PCDHGB3: variants seen among roughly 807,000 people sequenced by gnomAD.
PCDHGB3 encodes the protein protocadherin gamma subfamily B, 3, also known as protocadherin gamma-B3.
A neutral mutation model predicts 59.2 loss-of-function variants in PCDHGB3; 40 were observed. The observed-to-expected ratio is 0.68, with a 90% CI of 0.52 to 0.88. PCDHGB3 has a LOEUF of 0.88. Among genes scored for constraint, PCDHGB3 ranks in the 40% least tolerant of loss-of-function variants. The pLI, the probability that PCDHGB3 is intolerant of heterozygous loss-of-function variation, is 0.00. For synonymous variants in PCDHGB3, 581 were observed against 503.6 expected (o/e 1.15, Z -2.06); for missense variants, 1,309 against 1,187.9 (o/e 1.10, Z -1.50).
intron 1 of PCDHGB3, among the ~76,000 whole-genome samples, chr5:141,483,575 A>G (rs1165739266): frequency 6.6e-6 from 1 of 152,194 alleles, no homozygotes; most frequent in Non-Finnish European, 1.5e-5. Flanking sequence ...GAATTCTGGC[A>G]TAAACACCTA....
At chr5:141,497,214 G>C (rs929868102) in intron 2 of PCDHGB3, among the ~76,000 whole-genome samples, 2 of 152,138 alleles carry the variant, frequency 1.3e-5, no homozygotes, top group African/African-American at 4.8e-5. Flanking sequence ...TGTAATGGGG[G>C]GGGGAAGATC....
Position 141,486,682 on chromosome 5 carries a change from A to C in PCDHGB3, c.2416-8125A>C, listed in dbSNP as rs781547951. 1.4e-5 allele frequency: 22 copies of C among 1,614,064 alleles called. No individual in the cohort carries two copies. The African/African-American group carries it at 2.3e-4, about 17-fold the overall frequency. ...TGGAGCCCAGGAATCGAGATGTATC[A>C]GCTTCCTCTTTCATCTCTCTGAACC... On this transcript the variant is annotated intron_variant, in intron 1 of 3. Coordinates refer to ENST00000576222, the MANE Select transcript of PCDHGB3 (RefSeq NM_018924.5). The surrounding 1 kb of genome is among the most constrained non-coding windows in gnomAD (Gnocchi z 5.0).
chr5:141,389,843 G>A lies in PCDHGB3; in HGVS notation c.2415+17034G>A, dbSNP rs372102656. On this transcript the variant is annotated intron_variant, in intron 1 of 3. Transcript: ENST00000576222. ...GTGACGGTGGACAGCCACCACTCTC[G>A]GCCACTGCCACGTTGCACCTGGTCT... is the stretch of plus-strand genomic sequence containing the variant. The A allele has an allele frequency of 3.7e-6, 6 of 1,613,898 alleles. 1 individual carries two copies. The highest frequency in any genetic ancestry group is 2.7e-5 in the African/African-American group (2 of 74,948).
Position 141,490,162 on chromosome 5 carries a change from A to C in PCDHGB3, c.2416-4645A>C. ...TGGGGCAATCCATGTGTTGGGTCCC[A>C]TAGACTTTGAGGAGTCACGTTTCTA... On this transcript the variant is annotated intron_variant, in intron 1 of 3. Coordinates refer to ENST00000576222, the MANE Select transcript of PCDHGB3 (RefSeq NM_018924.5). The surrounding 1 kb of genome is among the most constrained non-coding windows in gnomAD (Gnocchi z 5.4). The C allele has an allele frequency of 6.2e-7, 1 of 1,614,218 alleles. No individual in the cohort carries two copies. The highest frequency in any genetic ancestry group is 8.5e-7 in the Non-Finnish European group (1 of 1,180,028).
At chr5:141,377,524 G>A (rs574411289) in intron 1 of PCDHGB3, 3 of 151,920 alleles carry the variant, frequency 2.0e-5, no homozygotes, top group Admixed American at 6.6e-5. Context: ...TAAGTCCAGG[G>A]GTATGAGGCT....
Position 141,372,313 on chromosome 5 carries a change from A to G in PCDHGB3, c.1919A>G (p.Gln640Arg), listed in dbSNP as rs774275406. The G allele has an allele frequency of 3.1e-6, 5 of 1,613,456 alleles. No homozygotes were observed. The highest frequency in any genetic ancestry group is 1.6e-4 in the Middle Eastern group (1 of 6,084). Residue 640 changes from glutamine (Q) to arginine (R), a missense_variant, in exon 1 of 4, where the codon CAG (glutamine) becomes CGG (arginine). Gln to Arg is a conservative substitution (Grantham distance 43). Coordinates refer to ENST00000576222, the MANE Select transcript of PCDHGB3 (RefSeq NM_018924.5). ...RTLGDREAAR[Q>R]RLLVTVRDGG... is the part of the protein sequence containing the mutation. ...TTGGGCGACAGGGAGGCCGCCCGCC[A>G]GCGCCTGCTGGTCACTGTGCGTGAT...
At chr5:141,393,227 A>G (rs1389818557) in intron 1 of PCDHGB3, 1 of 1,613,740 alleles carries the variant, frequency 6.2e-7, no homozygotes, top group Non-Finnish European at 8.5e-7. Context: ...TCGAAGATCT[A>G]GAAGTAAAAA....
chr5:141,451,521 TAAAGG>T (rs1187561043), intron 1 of PCDHGB3, among the ~76,000 whole-genome samples: 1 of 152,148 alleles, frequency 6.6e-6, no homozygotes, highest in Non-Finnish European at 1.5e-5. Context: ...TTAGAGCAAG[TAAAGG>T]AGAGTGCCAG....
intron 1 of PCDHGB3, chr5:141,384,443 A>T: frequency 6.2e-7 from 1 of 1,614,030 alleles, no homozygotes; most frequent in Non-Finnish European, 8.5e-7. Context: ...GGAGTCCTGT[A>T]CGCGCTGCAA....
In PCDHGB3 at chr5:141,432,469, C is replaced by A; in HGVS notation, c.2415+59660C>A. On this transcript the variant is annotated intron_variant, in intron 1 of 3. Coordinates refer to ENST00000576222, the MANE Select transcript of PCDHGB3 (RefSeq NM_018924.5). The surrounding 1 kb of genome is among the most constrained non-coding windows in gnomAD (Gnocchi z 6.0). ...TCCTGTACCCCGCCCTCCCCACGGA[C>A]GGTTCCACTGGCGTGGAGCTGGCTC... 6.2e-7 allele frequency: 1 copy of A among 1,614,218 alleles called. No individual in the cohort carries two copies.
chr5:141,403,482 A>C (rs764737675), intron 1 of PCDHGB3: 2 of 1,613,892 alleles, frequency 1.2e-6, no homozygotes, highest in Non-Finnish European at 1.7e-6. Flanking sequence ...CCCAATCACC[A>C]CTTCTCCCTG....
rs1255551589 is a variant in PCDHGB3 at position 141,410,375 on chromosome 5, G to A, written c.2415+37566G>A. ...ACGCTCTCTCAGCCCTGCTACTTGG[G>A]ACTGCTTCCATCCTGGTCTCTGTGT... On this transcript the variant is annotated intron_variant, in intron 1 of 3. Coordinates refer to ENST00000576222, the MANE Select transcript of PCDHGB3 (RefSeq NM_018924.5). The A allele has an allele frequency of 6.2e-7, 1 of 1,614,028 alleles. No individual in the cohort carries two copies. Among genetic ancestry groups the A allele is most frequent in the Admixed American group, 1.7e-5 (1 of 60,022 alleles).
chr5:141,399,491 T>A, intron 1 of PCDHGB3: 1 of 1,614,022 alleles, frequency 6.2e-7, no homozygotes, highest in African/African-American at 1.3e-5. Flanking sequence ...TCCTACTTAG[T>A]CAGTGTACCC....
At chr5:141,483,501 G>C (rs1022338958) in intron 1 of PCDHGB3, among the ~76,000 whole-genome samples, 2 of 150,394 alleles carry the variant, frequency 1.3e-5, no homozygotes, top group African/African-American at 4.9e-5. Context: ...ATGAGTCAAG[G>C]CTGATCCCCC....
chr5:141,466,375 C>A (rs2099121518), intron 1 of PCDHGB3, among the ~76,000 whole-genome samples: 1 of 152,042 alleles, frequency 6.6e-6, no homozygotes, highest in Non-Finnish European at 1.5e-5. Context: ...GGTTTTGGCA[C>A]CCATCTAATG....
chr5:141,415,690 G>C (rs1218128531), intron 1 of PCDHGB3: 4 of 1,512,972 alleles, frequency 2.6e-6, no homozygotes, highest in Non-Finnish European at 3.6e-6. Context: ...CATGATGGTG[G>C]AAAGTGTAAA....
Position 141,490,765 on chromosome 5 carries a change from G to A in PCDHGB3, c.2416-4042G>A. The A allele has an allele frequency of 6.2e-7, 1 of 1,614,076 alleles. No individual in the cohort carries two copies. The highest frequency in any genetic ancestry group is 8.5e-7 in the Non-Finnish European group (1 of 1,179,914). ...AGCCCCAGCCTCCTCCTTTGTGTAT[G>A]TCAACCCAGAGGATGGACGGATCTT... On this transcript the variant is annotated intron_variant, in intron 1 of 3. Coordinates refer to ENST00000576222, the MANE Select transcript of PCDHGB3 (RefSeq NM_018924.5). This position sits in a 1 kb window ranked among gnomAD's most constrained non-coding sequence, Gnocchi z 5.4.
At chr5:141,380,295 A>G (rs956041839) in intron 1 of PCDHGB3, among the ~76,000 whole-genome samples, 2 of 152,172 alleles carry the variant, frequency 1.3e-5, no homozygotes, top group African/African-American at 2.4e-5. Flanking sequence ...GAAGATACCT[A>G]TATCTTTGCT....
At position 141,372,125 on chromosome 5, in the gene PCDHGB3, G is replaced by A; in HGVS notation, c.1731G>A (p.Met577Ile). The A allele has an allele frequency of 1.2e-6, 2 of 1,613,718 alleles. No individual in the cohort carries two copies. The highest frequency in any genetic ancestry group is 2.2e-5 in the East Asian group (1 of 44,878). The part of the protein sequence containing the change: ...LGPEGSALFD[M>I]VPRSAEPGYL... Reference sequence around the variant, plus strand: ...CCGAAGGCTCTGCGCTCTTCGATATGGTGCCGCGCTCTGCAGAGCCTGGCT... The same window carrying A: ...CCGAAGGCTCTGCGCTCTTCGATATAGTGCCGCGCTCTGCAGAGCCTGGCT... The change falls in exon 1 of 4, where the codon ATG (methionine) becomes ATA (isoleucine). Residue 577 changes from methionine to isoleucine, a missense_variant. Transcript: ENST00000576222.
Sources: allele counts gnomAD v4.1 joint callset (sites outside exome capture counted in the v4.1 genomes callset), GRCh38; gene constraint gnomAD v4.1.1; non-coding constraint Gnocchi (gnomAD v3.1); transcripts MANE v1.5; gene names NCBI Gene and HGNC (gene_info 2026-07-23, HGNC 2026-07-21).